TSR1: variants seen among roughly 807,000 people sequenced by gnomAD.
TSR1 encodes the protein TSR1 ribosome maturation factor, also known as pre-rRNA-processing protein TSR1 homolog.
TSR1 carries 81 observed loss-of-function variants against 90.9 expected under a neutral mutation model. That is an observed-to-expected ratio of 0.89 (90% CI 0.74 to 1.07). The LOEUF (loss-of-function observed/expected upper bound fraction) is 1.07. TSR1 is among the 50% of genes least tolerant of loss of function. The probability of loss-of-function intolerance (pLI) is 0.00; values close to 1 mark genes in which losing one functional copy is unlikely to be tolerated. For synonymous variants in TSR1, 362 were observed against 348.8 expected, an observed-to-expected ratio of 1.04 and a Z score of -0.42; for missense variants, 989 against 987.3, an observed-to-expected ratio of 1.00 and a Z score of -0.02.
In TSR1 at chr17:2,335,668, C is replaced by T. The variant is rs2064058573; in HGVS notation, c.264G>A (p.Val88=). Reference sequence around the variant, plus strand: ...GCAGGGAAATTCTGCTGTGCAGGGGCACCACCAGTACCTGATGAGGAGGGC... The same window carrying T: ...GCAGGGAAATTCTGCTGTGCAGGGGTACCACCAGTACCTGATGAGGAGGGC... The part of the protein sequence containing the change: ...KDGPPHQVLV[V]PLHSRISLPE... Residue 88 remains valine, a synonymous_variant, in exon 3 of 15, where the codon GTG becomes GTA. Transcript: ENST00000301364. The T allele has an allele frequency of 1.2e-6, 2 of 1,613,978 alleles. No individual in the cohort carries two copies. Among genetic ancestry groups the T allele is most frequent in the African/African-American group, 2.7e-5 (2 of 74,906 alleles).
intron 11 of TSR1, among the ~76,000 whole-genome samples, chr17:2,328,630 A>T (rs1011353711): frequency 6.6e-6 from 1 of 150,554 alleles, no homozygotes; most frequent in Non-Finnish European, 1.5e-5. Flanking sequence ...AAACAAAAAA[A>T]ACAAGAGGGG....
In TSR1 at chr17:2,336,433, A is replaced by C. The variant is rs1314333996; in HGVS notation, c.-6T>G. The C allele has an allele frequency of 6.2e-7, 1 of 1,609,252 alleles. No homozygotes were observed. The highest frequency in any genetic ancestry group is 1.7e-5 in the Admixed American group (1 of 59,960). On this transcript the variant is annotated 5_prime_UTR_variant, in exon 1 of 15. Coordinates refer to ENST00000301364, the MANE Select transcript of TSR1 (RefSeq NM_018128.5). ...CCGGGGCGGTGGGCCGCCATGCCGC[A>C]GCGCGCGTGTACGGAGTCAGCACTG... is the stretch of plus-strand genomic sequence containing the variant.
chr17:2,335,401 A>G lies in TSR1; in HGVS notation c.422-7T>C, dbSNP rs2064049305. The G allele has an allele frequency of 1.2e-6, 2 of 1,613,074 alleles. No individual in the cohort carries two copies. Among genetic ancestry groups the G allele is most frequent in the Non-Finnish European group, 8.5e-7 (1 of 1,179,756 alleles). Reference sequence around the variant, plus strand: ...AACACAACGTGCAGATCCCCTGCAGATAGAAGACACAGTAAGAAGAGGTGG... The same window carrying G: ...AACACAACGTGCAGATCCCCTGCAGGTAGAAGACACAGTAAGAAGAGGTGG... On this transcript the variant is annotated splice_polypyrimidine_tract_variant and splice_region_variant and intron_variant, in intron 3 of 14. Transcript: ENST00000301364.
rs2075547001 is a variant in TSR1 at position 2,323,080 on chromosome 17, ACATG to A, written c.*1112_*1115del. The A allele has an allele frequency of 6.4e-7, 1 of 1,566,144 alleles. No homozygotes were observed. Among genetic ancestry groups the A allele is most frequent in the South Asian group, 1.1e-5 (1 of 89,844 alleles). On this transcript the variant is annotated 3_prime_UTR_variant, in exon 15 of 15. Coordinates refer to ENST00000301364, the MANE Select transcript of TSR1 (RefSeq NM_018128.5). Reference sequence around the variant, plus strand: ...ACACCAGGCCCATATTTTCTTTTAGACATGCAGGCAATGTTGTGGTTTGTTGTTA... The same window carrying A: ...ACACCAGGCCCATATTTTCTTTTAGACAGGCAATGTTGTGGTTTGTTGTTA...
chr17:2,330,524 A>G lies in TSR1; in HGVS notation c.1761T>C (p.His587=). Residue 587 remains histidine, a synonymous_variant, in exon 10 of 15, where the codon CAT becomes CAC. Coordinates refer to ENST00000301364, the MANE Select transcript of TSR1 (RefSeq NM_018128.5). ...TPLIAFSLLP[H]EQKMSVLNMV... ...CAAGACAGCAATTTACCTTCTGTTCATGAGGTAGTAAAGAAAATGCAATCA... is the reference window on the plus strand; with the variant it reads ...CAAGACAGCAATTTACCTTCTGTTCGTGAGGTAGTAAAGAAAATGCAATCA... 2 of 1,613,830 alleles carry G rather than the reference A, an allele frequency of 1.2e-6. No homozygotes were observed. The highest frequency in any genetic ancestry group is 2.2e-5 in the South Asian group (2 of 91,058).
chr17:2,333,792 C>T, intron 5 of TSR1, 76 bp from the exon 6 acceptor site: 1 of 1,561,816 alleles, frequency 6.4e-7, no homozygotes. Flanking sequence ...CAGAAAGACC[C>T]AGAAATATCA....
intron 9 of TSR1, among the ~76,000 whole-genome samples, 155 bp from the exon 10 acceptor site, chr17:2,330,780 A>G (rs945385041): frequency 6.6e-6 from 1 of 152,168 alleles, no homozygotes; most frequent in African/African-American, 2.4e-5. Flanking sequence ...ACACTTTTTC[A>G]TTTAACATAG....
Position 2,333,053 on chromosome 17 carries a change from TC to T in TSR1, c.1212del (p.Trp404Ter), listed in dbSNP as rs1213166093. The T allele has an allele frequency of 6.2e-7, 1 of 1,614,166 alleles. No individual in the cohort carries two copies. The highest frequency in any genetic ancestry group is 8.5e-7 in the Non-Finnish European group (1 of 1,180,020). ...PKGTSSYQAE[W>X]ILDGGSQSGG... ...CCACTTTGGCTGCCACCATCCAAAA[TC>T]CATTCAGCTTGGTAACTGGATGTTC... is the stretch of plus-strand genomic sequence containing the variant. On this transcript the variant is annotated frameshift_variant, in exon 7 of 15. Transcript: ENST00000301364. LOFTEE classifies it high-confidence loss of function.
chr17:2,333,911 G>A (rs1778612448), intron 5 of TSR1, among the ~76,000 whole-genome samples, 195 bp from the exon 6 acceptor site: 1 of 151,932 alleles, frequency 6.6e-6, no homozygotes, highest in Non-Finnish European at 1.5e-5. Flanking sequence ...GGCTCTTGAG[G>A]TCTTTCTTAA....
intron 11 of TSR1, chr17:2,328,919 CAAAAAAAAAAAAA>C (rs56003468): frequency 1.6e-4 from 15 of 92,422 alleles, no homozygotes; most frequent in South Asian, 4.7e-4. Context: ...GACTCCGTCT[CAAAAAAAAAAAAA>C]AAAAAAAAAA....
chr17:2,329,570 C>T, intron 10 of TSR1, 95 bp from the exon 11 acceptor site: 1 of 1,445,418 alleles, frequency 6.9e-7, no homozygotes, highest in Non-Finnish European at 9.5e-7. Flanking sequence ...GATTCAGACT[C>T]ATTCTAAGAA....
chr17:2,333,426 T>G, intron 6 of TSR1, 131 bp downstream of exon 6: 1 of 1,095,524 alleles, frequency 9.1e-7, no homozygotes, highest in East Asian at 2.4e-5. Flanking sequence ...ACATACAGCA[T>G]TTGAGGGTGA....
rs1403665452 is a variant in TSR1 at position 2,324,775 on chromosome 17, A to C, written c.2075T>G (p.Met692Arg). ...GHLMSVDPDR[M>R]VIKRVVLSGH... is the part of the protein sequence containing the mutation. The stretch of plus-strand genomic sequence containing the variant: ...ACTCAGAACAACTCTCTTGATGACC[A>C]TTCTGTCTGGATCTACTGACATAAG... The change falls in exon 13 of 15, where the codon ATG becomes AGG. Residue 692 changes from methionine (M) to arginine (R), a missense_variant. By Grantham distance (91) the Met-to-Arg change is moderately conservative. Coordinates refer to ENST00000301364, the MANE Select transcript of TSR1 (RefSeq NM_018128.5). The C allele has an allele frequency of 2.5e-6, 4 of 1,614,214 alleles. No individual in the cohort carries two copies. Among genetic ancestry groups the C allele is most frequent in the Non-Finnish European group, 3.4e-6 (4 of 1,180,034 alleles).
At position 2,324,646 on chromosome 17, in the gene TSR1, A is replaced by G. The variant is rs371281134; in HGVS notation, c.2161+43T>C. 39 of 1,613,848 alleles carry G rather than the reference A, an allele frequency of 2.4e-5. No homozygotes were observed. The East Asian group carries it at 3.8e-4, about 16-fold the overall frequency. ...CACAAAATGTAAACCCAACCTTTATACCACAAAGGCAATCAGATCCCATCC... is the reference window on the plus strand; with the variant it reads ...CACAAAATGTAAACCCAACCTTTATGCCACAAAGGCAATCAGATCCCATCC... On this transcript the variant is annotated intron_variant, in intron 13 of 14. Coordinates refer to ENST00000301364, the MANE Select transcript of TSR1 (RefSeq NM_018128.5).
chr17:2,333,760 C>A, intron 5 of TSR1, 44 bp from the exon 6 acceptor site: 1 of 1,611,108 alleles, frequency 6.2e-7, no homozygotes. Flanking sequence ...AACCAAAAAT[C>A]TCCTAAATCT....
Position 2,333,016 on chromosome 17 carries a change from T to C in TSR1, c.1250A>G (p.Asp417Gly). The C allele has an allele frequency of 2.5e-6, 4 of 1,614,130 alleles. No individual in the cohort carries two copies. The highest frequency in any genetic ancestry group is 3.4e-6 in the Non-Finnish European group (4 of 1,180,028). The change falls in exon 7 of 15, where the codon GAT becomes GGT. Residue 417 changes from aspartate to glycine, a missense_variant. By Grantham distance (94) the Asp-to-Gly change is moderately conservative (BLOSUM62 -1). Transcript: ENST00000301364. ...DGGSQSGGEG[D>G]EYEYDDMEHE... The stretch of plus-strand genomic sequence containing the variant: ...TTCCATATCATCATATTCATATTCA[T>C]CTCCTTCCCCACCACTTTGGCTGCC...
In TSR1 at chr17:2,325,330, AC is replaced by A; in HGVS notation, c.1993del (p.Val665CysfsTer23). The A allele has an allele frequency of 6.2e-7, 1 of 1,613,206 alleles. No homozygotes were observed. The highest frequency in any genetic ancestry group is 8.5e-7 in the Non-Finnish European group (1 of 1,179,874). On this transcript the variant is annotated frameshift_variant, in exon 12 of 15. Transcript: ENST00000301364. LOFTEE classifies it high-confidence loss of function. Reference sequence around the variant, plus strand: ...ATTGCTTTTTTGCTTGAAAAGCAGCACAGATGCAGGAGGAAAAGTGATTGGC... The same window carrying A: ...ATTGCTTTTTTGCTTGAAAAGCAGCAAGATGCAGGAGGAAAAGTGATTGGC... ...YAPITFPPAS[V>X]LLFKQKSNGM...
intron 11 of TSR1, among the ~76,000 whole-genome samples, chr17:2,327,203 G>A (rs2075580840): frequency 6.6e-6 from 1 of 151,970 alleles, no homozygotes; most frequent in Non-Finnish European, 1.5e-5. Context: ...GATCACCTGA[G>A]GTCAAGAGTT....
chr17:2,326,394 C>CA (rs1053851741), intron 11 of TSR1, among the ~76,000 whole-genome samples: 6 of 152,054 alleles, frequency 3.9e-5, no homozygotes, highest in Non-Finnish European at 7.4e-5. Flanking sequence ...GTGTAGGAGA[C>CA]AATCATTTCT....
Sources: allele counts gnomAD v4.1 joint callset (sites outside exome capture counted in the v4.1 genomes callset), GRCh38; gene constraint gnomAD v4.1.1; transcripts MANE v1.5; gene names NCBI Gene and HGNC (gene_info 2026-07-23, HGNC 2026-07-21).